Variants in ATRNL1 observed in about 807,000 individuals in gnomAD.
ATRNL1 encodes attractin-like protein 1.
Under a neutral mutation model 182.7 loss-of-function variants are expected in ATRNL1, and 95 were observed. The observed-to-expected ratio is 0.52, with a 90% confidence interval of 0.44 to 0.62. The LOEUF (loss-of-function observed/expected upper bound fraction) is 0.62. ATRNL1 is among the 20% of genes least tolerant of loss of function. The pLI is 0.00. For missense variants in ATRNL1, 1,471 were observed against 1,679.5 expected (o/e 0.88, Z 2.17); for synonymous variants, 576 against 568.3 (o/e 1.01, Z -0.19).
Position 115,301,904 on chromosome 10 carries a change from G to A in ATRNL1, c.2679G>A (p.Arg893=). ...CGTGCAAAAAGCCATGCTCTCTGAG[G>A]ACATCATGTTCCAACTGTACAAGCA... is the stretch of plus-strand genomic sequence containing the variant. The part of the protein sequence containing the change: ...ARPCKKPCSL[R]TSCSNCTSNG... Residue 893 remains arginine (R), a synonymous_variant, in exon 17 of 29, where the codon AGG becomes AGA. Transcript: ENST00000355044. 9 of 1,613,590 alleles carry A rather than the reference G, an allele frequency of 5.6e-6. No individual in the cohort carries two copies. Among genetic ancestry groups the A allele is most frequent in the Non-Finnish European group, 7.6e-6 (9 of 1,179,760 alleles).
At chr10:115,468,951 G>C (rs1410847839) in intron 23 of ATRNL1, among the ~76,000 whole-genome samples, 1 of 150,582 alleles carries the variant, frequency 6.6e-6, no homozygotes, top group African/African-American at 2.4e-5. Context: ...CTAGTGCCTA[G>C]TACATAGCAC....
intron 27 of ATRNL1, among the ~76,000 whole-genome samples, chr10:115,768,221 T>TC (rs1555075483): frequency 1.3e-5 from 2 of 152,142 alleles, no homozygotes; most frequent in Non-Finnish European, 2.9e-5. Flanking sequence ...TAGTAACATA[T>TC]ATGTTGCTAA....
chr10:115,206,024 C>T (rs930594269), intron 8 of ATRNL1, among the ~76,000 whole-genome samples: 24 of 152,036 alleles, frequency 1.6e-4, no homozygotes, highest in Admixed American at 5.9e-4. Flanking sequence ...TATAGATTAT[C>T]TTAGTTTTTC....
At chr10:115,445,405 T>G (rs988762986) in intron 21 of ATRNL1, among the ~76,000 whole-genome samples, 4 of 115,646 alleles carry the variant, frequency 3.5e-5, no homozygotes, top group Non-Finnish European at 4.8e-5. Flanking sequence ...CACTCCAGCC[T>G]GGGTGACAGA....
intron 26 of ATRNL1, among the ~76,000 whole-genome samples, chr10:115,557,576 C>G (rs1387500561): frequency 9.2e-5 from 14 of 152,112 alleles, no homozygotes; most frequent in Admixed American, 3.3e-4. Flanking sequence ...TATTTAGCCA[C>G]TTAGAAATCA....
chr10:115,713,215 A>T (rs72641360), intron 26 of ATRNL1, among the ~76,000 whole-genome samples: 2,948 of 152,258 alleles, frequency 0.019, 112 homozygotes, highest in East Asian at 0.19. Flanking sequence ...AACGATTGTA[A>T]GTTTCATCCA....
intron 19 of ATRNL1, among the ~76,000 whole-genome samples, chr10:115,378,947 A>G (rs781808094): frequency 6.6e-6 from 1 of 152,240 alleles, no homozygotes; most frequent in Non-Finnish European, 1.5e-5. Context: ...AAATAATGAT[A>G]TAGCAAGGGA....
At chr10:115,864,095 C>T (rs990893889) in intron 28 of ATRNL1, among the ~76,000 whole-genome samples, 2 of 151,916 alleles carry the variant, frequency 1.3e-5, no homozygotes, top group Admixed American at 6.6e-5. Context: ...CCTGTCTCCA[C>T]AAAAAATACA....
At chr10:115,756,442 A>C (rs907697407) in intron 27 of ATRNL1, among the ~76,000 whole-genome samples, 2 of 152,164 alleles carry the variant, frequency 1.3e-5, no homozygotes, top group African/African-American at 2.4e-5. Flanking sequence ...ATTCAGGAGC[A>C]GGTTGTTCAG....
intron 24 of ATRNL1, among the ~76,000 whole-genome samples, chr10:115,482,464 T>C (rs887781883): frequency 1.1e-4 from 17 of 151,064 alleles, no homozygotes; most frequent in Admixed American, 1.1e-3. Flanking sequence ...TTGACGAGAA[T>C]AAAAATGCTT....
chr10:115,505,137 G>C (rs1850045171), intron 24 of ATRNL1, among the ~76,000 whole-genome samples: 3 of 152,012 alleles, frequency 2.0e-5, no homozygotes, highest in Admixed American at 2.0e-4. Flanking sequence ...TAAAATTATA[G>C]AAATCTGTCA....
At chr10:115,558,147 G>A (rs962777511) in intron 26 of ATRNL1, among the ~76,000 whole-genome samples, 4 of 152,082 alleles carry the variant, frequency 2.6e-5, no homozygotes, top group Non-Finnish European at 5.9e-5. Context: ...ACTGGTGGAG[G>A]GTCTTGAGTA....
At chr10:115,176,528 A>G (rs1180213766) in intron 8 of ATRNL1, among the ~76,000 whole-genome samples, 1 of 152,142 alleles carries the variant, frequency 6.6e-6, no homozygotes, top group Non-Finnish European at 1.5e-5. Flanking sequence ...ATTTTTTAAA[A>G]AAGTAGAGCC....
At chr10:115,740,776 G>A (rs1394573010) in intron 27 of ATRNL1, among the ~76,000 whole-genome samples, 1 of 151,790 alleles carries the variant, frequency 6.6e-6, no homozygotes, top group African/African-American at 2.4e-5. Context: ...AGAGTGCTGG[G>A]ATTACAGGTG....
intron 10 of ATRNL1, 92 bp downstream of exon 10, chr10:115,241,817 T>C (rs1351083549): frequency 9.2e-7 from 1 of 1,085,562 alleles, no homozygotes. Flanking sequence ...CATGTGTATA[T>C]GTCATTTTAG....
chr10:115,448,854 C>CAACAA (rs1847142999), intron 21 of ATRNL1, among the ~76,000 whole-genome samples: 2 of 150,104 alleles, frequency 1.3e-5, no homozygotes, highest in Non-Finnish European at 3.0e-5. Context: ...AGCGTGCCAA[C>CAACAA]CAACAACAAC....
chr10:115,381,818 T>C (rs1379695436), intron 19 of ATRNL1, among the ~76,000 whole-genome samples: 1 of 152,124 alleles, frequency 6.6e-6, no homozygotes, highest in Non-Finnish European at 1.5e-5. Flanking sequence ...TGGAGAGCTT[T>C]ATAATTTTAA....
intron 27 of ATRNL1, among the ~76,000 whole-genome samples, chr10:115,838,658 A>G (rs559125703): frequency 1.6e-4 from 24 of 152,284 alleles, no homozygotes; most frequent in African/African-American, 2.2e-4. Context: ...TTGCAGCTCT[A>G]TGTGTCTTTA....
chr10:115,874,177 G>A (rs116157938), intron 28 of ATRNL1, among the ~76,000 whole-genome samples: 1,921 of 152,192 alleles, frequency 0.013, 44 homozygotes, highest in African/African-American at 0.044. Flanking sequence ...AGTCAGTGAC[G>A]TCTTCTGCCA....
Sources: gnomAD v4.1 joint callset for allele counts (sites outside exome capture counted in the v4.1 genomes callset) on GRCh38, gnomAD v4.1.1 for gene constraint, MANE v1.5 for transcripts, NCBI Gene and HGNC (gene_info 2026-07-23, HGNC 2026-07-21) for gene names.